FHL1: variants seen among roughly 807,000 people sequenced by gnomAD.
FHL1 encodes four and a half LIM domains 1, also known as four and a half LIM domains protein 1.
A neutral mutation model predicts 20.3 loss-of-function variants in FHL1; 1 was observed. That is an observed-to-expected ratio of 0.05 (90% CI 0.02 to 0.23). The LOEUF (loss-of-function observed/expected upper bound fraction) is 0.23, where lower values mean the gene tolerates loss of function less well. Among genes scored for constraint, FHL1 ranks in the 10% least tolerant of loss-of-function variants. FHL1 has a pLI of 1.00. For missense variants in FHL1, 177 were observed against 234.0 expected (o/e 0.76, Z 1.59); for synonymous variants, 82 against 88.9 (o/e 0.92, Z 0.44).
intron 1 of FHL1, among the ~76,000 whole-genome samples, chrX:136,204,238 A>G (rs974274729): frequency 8.9e-6 from 1 of 112,758 alleles, no homozygotes. Context: ...TTCTCAACTC[A>G]GCCCTTAACA....
chrX:136,162,212 A>G (rs768738242), intron 1 of FHL1, among the ~76,000 whole-genome samples: 4 of 109,491 alleles, frequency 3.7e-5, no homozygotes, highest in Middle Eastern at 4.8e-3. Context: ...CACATGAAGG[A>G]TGTGGTGGAA....
upstream of FHL1, among the ~76,000 whole-genome samples, chrX:136,165,735 C>A (rs2072693426): frequency 8.9e-6 from 1 of 112,029 alleles, no homozygotes; most frequent in Admixed American, 9.5e-5. Flanking sequence ...GTAATTCACA[C>A]AATTGATTGG....
chrX:136,152,476 T>G (rs1023521358), intron 1 of FHL1, among the ~76,000 whole-genome samples: 1 of 111,298 alleles, frequency 9.0e-6, no homozygotes, highest in African/African-American at 3.3e-5. Flanking sequence ...TCCCAGCACT[T>G]TGGGAGGCCA....
chrX:136,173,701 T>C (rs967997153), intron 2 of FHL1, among the ~76,000 whole-genome samples: 10 of 106,694 alleles, frequency 9.4e-5, no homozygotes, highest in Non-Finnish European at 1.6e-4. Flanking sequence ...CTTTTCTTTT[T>C]TTTTTTTTTT....
chrX:136,159,826 A>G (rs1020935631), intron 1 of FHL1, among the ~76,000 whole-genome samples: 4 of 112,101 alleles, frequency 3.6e-5, no homozygotes, highest in East Asian at 5.6e-4. Context: ...TCCCTGCCCT[A>G]CAACCCAGTG....
upstream of FHL1, among the ~76,000 whole-genome samples, chrX:136,166,763 G>C (rs961089971): frequency 1.3e-4 from 15 of 112,447 alleles, no homozygotes; most frequent in African/African-American, 4.8e-4. Context: ...AGGTATATTT[G>C]GTGTCAAGTG....
chrX:136,211,060 T>C lies in FHL1; in HGVS notation c.*1035T>C. ...TGTCTGCTCTTTGTCCATGTGTTAA[T>C]GAGGACTGCAAAGTCCCTTCTGTTG... is the stretch of plus-strand genomic sequence containing the variant. On this transcript the variant is annotated 3_prime_UTR_variant, in exon 6 of 6. Coordinates refer to ENST00000370683, the MANE Select transcript of FHL1 (RefSeq NM_001159699.2). 2.7e-6 allele frequency: 1 copy of C among 376,502 alleles called. No homozygotes were observed. Among genetic ancestry groups the C allele is most frequent in the South Asian group, 2.6e-5 (1 of 38,845 alleles). 31.0% of individuals were successfully genotyped at this position (376,502 alleles called of 1,213,427 possible).
chrX:136,206,259 TAGTC>T (rs1265892459), intron 1 of FHL1, 144 bp from the exon 2 acceptor site: 3 of 672,297 alleles, frequency 4.5e-6, no homozygotes, highest in South Asian at 4.5e-5. Context: ...TGGTGCCTGG[TAGTC>T]AGCTCGGCTG....
upstream of FHL1, among the ~76,000 whole-genome samples, chrX:136,168,642 C>G (rs1400117020): frequency 4.5e-5 from 5 of 111,480 alleles, no homozygotes; most frequent in East Asian, 1.1e-3. Context: ...AGAACCCTGT[C>G]CCTATAGTCA....
chrX:136,167,803 A>C (rs1339386517), upstream of FHL1: 1 of 111,211 alleles, frequency 9.0e-6, no homozygotes, highest in African/African-American at 3.3e-5. Context: ...AGAGAACCGG[A>C]TTCCGTCAAG....
chrX:136,195,493 C>T (rs2073534755), upstream of FHL1, among the ~76,000 whole-genome samples: 1 of 112,371 alleles, frequency 8.9e-6, no homozygotes, highest in Admixed American at 9.4e-5. Flanking sequence ...GAGAAAGAGA[C>T]TAGAAAGGCG....
intron 2 of FHL1, among the ~76,000 whole-genome samples, chrX:136,179,469 A>G (rs1302734835): frequency 8.9e-6 from 1 of 111,764 alleles, no homozygotes; most frequent in Admixed American, 9.5e-5. Context: ...TACTGGGGCA[A>G]TCTAAGGCAC....
chrX:136,179,421 T>A (rs1298042003), intron 2 of FHL1, among the ~76,000 whole-genome samples: 1 of 112,017 alleles, frequency 8.9e-6, no homozygotes, highest in Non-Finnish European at 1.9e-5. Context: ...GATCTTGACC[T>A]GACTTTTGGT....
intron 2 of FHL1, among the ~76,000 whole-genome samples, chrX:136,179,071 T>C (rs2148318146): frequency 8.9e-6 from 1 of 112,441 alleles, no homozygotes; most frequent in African/African-American, 3.2e-5. Flanking sequence ...GGACCATTTC[T>C]GTACACATTC....
chrX:136,190,859 G>A (rs1461041311), intron 2 of FHL1, among the ~76,000 whole-genome samples: 1 of 111,340 alleles, frequency 9.0e-6, no homozygotes, highest in Admixed American at 9.5e-5. Context: ...TCCATCTCTG[G>A]GCCTCAGCTT....
chrX:136,200,282 TTCTG>T (rs1381110910), intron 1 of FHL1, among the ~76,000 whole-genome samples: 1 of 112,436 alleles, frequency 8.9e-6, no homozygotes, highest in Non-Finnish European at 1.9e-5. Flanking sequence ...TAATGATGCT[TTCTG>T]TCTTAGAAAA....
rs2073910764 is a variant in FHL1, at chrX:136,208,484, G to C, written c.579G>C (p.Gln193His). ...TCACATCTGGAGGAATCACTTACCA[G>C]GATCAGCCCTGGCATGCCGATTGCT... ...KAITSGGITY[Q>H]DQPWHADCFV... Residue 193 changes from glutamine to histidine, a missense_variant, in exon 5 of 6, where the codon CAG becomes CAC. Gln to His is a conservative substitution (Grantham distance 24). Transcript: ENST00000370683. The C allele has an allele frequency of 8.3e-7, 1 of 1,210,077 alleles. No individual in the cohort carries two copies. The highest frequency in any genetic ancestry group is 1.1e-6 in the Non-Finnish European group (1 of 895,215).
chrX:136,157,269 C>G (rs1459924757), intron 1 of FHL1, among the ~76,000 whole-genome samples: 2 of 111,190 alleles, frequency 1.8e-5, no homozygotes, highest in Non-Finnish European at 3.8e-5. Flanking sequence ...CACAAGTTTT[C>G]AAACCCTAGA....
At chrX:136,204,329 CCAA>C (rs992188745) in intron 1 of FHL1, among the ~76,000 whole-genome samples, 2 of 112,207 alleles carry the variant, frequency 1.8e-5, no homozygotes, top group African/African-American at 6.5e-5. Context: ...ACTGGAAAGA[CCAA>C]CAAGAATGGA....
Sources: gnomAD v4.1 joint callset for allele counts (sites outside exome capture counted in the v4.1 genomes callset) on GRCh38, gnomAD v4.1.1 for gene constraint, MANE v1.5 for transcripts, NCBI Gene and HGNC (gene_info 2026-07-23, HGNC 2026-07-21) for gene names.